DLGAP2: variants seen among roughly 807,000 people sequenced by gnomAD.
DLGAP2 encodes the protein DLG associated protein 2.
A neutral mutation model predicts 100.3 loss-of-function variants in DLGAP2; 26 were observed. The ratio of observed to expected loss-of-function variants is 0.26; its 90% CI spans 0.19 to 0.36. The LOEUF (loss-of-function observed/expected upper bound fraction) is 0.36, where lower values mean the gene tolerates loss of function less well. DLGAP2 is among the 10% of genes least tolerant of loss of function. The pLI is 1.00. For missense variants in DLGAP2, 1,858 were observed against 1,453.2 expected (o/e 1.28, Z -4.53); for synonymous variants, 886 against 630.1 (o/e 1.41, Z -6.08).
intron 3 of DLGAP2, among the ~76,000 whole-genome samples, chr8:1,281,434 T>G (rs1226947506): frequency 6.6e-6 from 1 of 152,114 alleles, no homozygotes; most frequent in Non-Finnish European, 1.5e-5. Flanking sequence ...GCTCAGTAAA[T>G]ATTCCAAGTT....
chr8:1,641,570 A>T (rs1048627469), intron 8 of DLGAP2, among the ~76,000 whole-genome samples: 1 of 152,160 alleles, frequency 6.6e-6, no homozygotes, highest in Admixed American at 6.5e-5. Context: ...CTTGCAGTTG[A>T]CAACGATCTG....
At chr8:909,864 G>A (rs375289416) in intron 2 of DLGAP2, among the ~76,000 whole-genome samples, 6 of 152,196 alleles carry the variant, frequency 3.9e-5, no homozygotes, top group African/African-American at 1.4e-4. Context: ...GCTGCTTCAT[G>A]ATTTAGGAGA....
intron 3 of DLGAP2, among the ~76,000 whole-genome samples, chr8:1,470,161 C>T (rs1798740473): frequency 6.6e-6 from 1 of 151,988 alleles, no homozygotes; most frequent in Non-Finnish European, 1.5e-5. Context: ...GACCCTGTCT[C>T]CAAAGAAAAG....
rs1204709585 is a variant in DLGAP2, at chr8:743,083, T to G, written c.18+5258T>G. On this transcript the variant is annotated intron_variant, in intron 1 of 14. Transcript: ENST00000637795. ...CTGTTTTATTTATTATTTCTGGTCTTGTTTTACTTTTTTGTATATCTCTTG... is the reference window on the plus strand; with the variant it reads ...CTGTTTTATTTATTATTTCTGGTCTGGTTTTACTTTTTTGTATATCTCTTG... Among the ~76,000 whole-genome samples the G allele has an allele frequency of 2.0e-5, 3 of 152,240 alleles. No homozygotes were observed. The East Asian group carries it at 5.8e-4, about 29-fold the overall frequency.
chr8:1,322,376 G>A (rs890876358), intron 3 of DLGAP2, among the ~76,000 whole-genome samples: 5 of 152,246 alleles, frequency 3.3e-5, no homozygotes, highest in African/African-American at 1.2e-4. Flanking sequence ...TGTATTAATA[G>A]AGAAATGTCC....
chr8:1,160,428 C>T (rs1220548912), intron 2 of DLGAP2, among the ~76,000 whole-genome samples: 3 of 152,148 alleles, frequency 2.0e-5, no homozygotes, highest in Non-Finnish European at 4.4e-5. Flanking sequence ...TGAGTGTGCA[C>T]GTGTGCATAA....
At chr8:1,365,505 C>G (rs559487108) in intron 3 of DLGAP2, among the ~76,000 whole-genome samples, 3 of 152,172 alleles carry the variant, frequency 2.0e-5, no homozygotes, top group Non-Finnish European at 4.4e-5. Context: ...CAGGTGCCCT[C>G]CCAGGTCCAG....
chr8:1,277,640 A>C (rs1199098500), intron 3 of DLGAP2, among the ~76,000 whole-genome samples: 1 of 152,224 alleles, frequency 6.6e-6, no homozygotes, highest in South Asian at 2.1e-4. Context: ...CAGGCAGGTC[A>C]GTATCTGAGT....
chr8:1,169,409 T>C (rs1797082870), intron 2 of DLGAP2, among the ~76,000 whole-genome samples: 1 of 152,206 alleles, frequency 6.6e-6, no homozygotes, highest in Non-Finnish European at 1.5e-5. Flanking sequence ...TTTTTTCCAA[T>C]TCTGTGAAGA....
intron 2 of DLGAP2, among the ~76,000 whole-genome samples, chr8:1,020,699 G>C (rs149239242): frequency 4.6e-5 from 7 of 152,334 alleles, no homozygotes; most frequent in Admixed American, 1.3e-4. Flanking sequence ...CACCCACTCA[G>C]ACTGTCTTTG....
intron 1 of DLGAP2, among the ~76,000 whole-genome samples, chr8:882,680 C>T (rs1443438743): frequency 9.0e-6 from 1 of 110,750 alleles, no homozygotes; most frequent in Non-Finnish European, 1.8e-5. Flanking sequence ...CCCCTGCGCG[C>T]ACCCTCGCCT....
At chr8:1,157,839 A>G (rs891986309) in intron 2 of DLGAP2, among the ~76,000 whole-genome samples, 2 of 152,198 alleles carry the variant, frequency 1.3e-5, no homozygotes, top group African/African-American at 2.4e-5. Flanking sequence ...CCATTCACTG[A>G]GCACAAAGCA....
intron 4 of DLGAP2, among the ~76,000 whole-genome samples, chr8:1,540,013 C>T (rs1801306388): frequency 6.6e-6 from 1 of 152,224 alleles, no homozygotes; most frequent in Non-Finnish European, 1.5e-5. Context: ...TTGCCAGCCC[C>T]ACCCTTCAGG....
At chr8:1,330,983 T>C (rs1801145206) in intron 3 of DLGAP2, among the ~76,000 whole-genome samples, 1 of 134,122 alleles carries the variant, frequency 7.5e-6, no homozygotes, top group Non-Finnish European at 1.7e-5. Context: ...GACTGAGTTC[T>C]GGGTGGGAGC....
chr8:1,463,921 C>T (rs949560009), intron 3 of DLGAP2, among the ~76,000 whole-genome samples: 1 of 152,144 alleles, frequency 6.6e-6, no homozygotes, highest in African/African-American at 2.4e-5. Context: ...TCCTGGGACA[C>T]GTGGAGCTTT....
chr8:1,197,604 G>A (rs753704036), intron 2 of DLGAP2, among the ~76,000 whole-genome samples: 1 of 151,254 alleles, frequency 6.6e-6, no homozygotes, highest in Non-Finnish European at 1.5e-5. Context: ...CGAAGCCAAT[G>A]TGGAGCATCT....
intron 3 of DLGAP2, among the ~76,000 whole-genome samples, chr8:1,464,727 C>G (rs1204391782): frequency 6.6e-6 from 1 of 152,182 alleles, no homozygotes; most frequent in Admixed American, 6.5e-5. Context: ...TGAAAGTGAC[C>G]TTGGGGGCCA....
At chr8:1,373,511 AAG>A (rs1245456349) in intron 3 of DLGAP2, among the ~76,000 whole-genome samples, 1 of 152,200 alleles carries the variant, frequency 6.6e-6, no homozygotes, top group Non-Finnish European at 1.5e-5. Flanking sequence ...TCTGCCCACA[AAG>A]AGGGCAGTGG....
At chr8:894,781 AG>A (rs1798109744) in intron 1 of DLGAP2, among the ~76,000 whole-genome samples, 2 of 40,768 alleles carry the variant, frequency 4.9e-5, no homozygotes, top group Non-Finnish European at 8.5e-5. Context: ...AGTGGCTGGC[AG>A]GGGCGGGGTG....
Sources: gnomAD v4.1 joint callset for allele counts (sites outside exome capture counted in the v4.1 genomes callset) on GRCh38, gnomAD v4.1.1 for gene constraint, MANE v1.5 for transcripts, NCBI Gene and HGNC (gene_info 2026-07-23, HGNC 2026-07-21) for gene names.